Variants in TMTC4 observed in about 807,000 individuals in gnomAD.
TMTC4 encodes protein O-mannosyl-transferase TMTC4.
Under a neutral mutation model 86.0 loss-of-function variants are expected in TMTC4, and 65 were observed. That is an observed-to-expected ratio of 0.76 (90% CI 0.62 to 0.93). The LOEUF is 0.93. Ranked by LOEUF, TMTC4 falls within the 40% of genes least tolerant of loss-of-function variation. The pLI is 0.00. For missense variants in TMTC4, 866 were observed against 948.1 expected (o/e 0.91, Z 1.14); for synonymous variants, 379 against 382.5 (o/e 0.99, Z 0.11).
In TMTC4 at chr13:100,603,745, T is replaced by A. The variant is rs962945222; in HGVS notation, c.*1249A>T. Among the ~76,000 whole-genome samples, 10 of 152,180 alleles carry A rather than the reference T, an allele frequency of 6.6e-5. No homozygotes were observed. The highest frequency in any genetic ancestry group is 2.4e-4 in the African/African-American group (10 of 41,436). ...GTCCAGAGAATCACATTCCTCTCAG[T>A]GTGGATCTACTCGCTCTGTTCTCTG... is the stretch of plus-strand genomic sequence containing the variant. On this transcript the variant is annotated 3_prime_UTR_variant, in exon 19 of 19. Transcript: ENST00000342624.
Position 100,606,404 on chromosome 13 carries a change from C to T in TMTC4, c.2088G>A (p.Lys696=). Residue 696 remains lysine, a synonymous_variant, in exon 18 of 19, where the codon AAG becomes AAA. Coordinates refer to ENST00000342624, the MANE Select transcript of TMTC4 (RefSeq NM_032813.5). ...CAGCATTTGGATTTGCTTTAATTGC[C>T]TTGAGGAATAAAGCTTCAGATTCCT... ...KYKESEALFL[K]AIKANPNAAS... 6.2e-7 allele frequency: 1 copy of T among 1,613,290 alleles called. No homozygotes were observed. Among genetic ancestry groups the T allele is most frequent in the Non-Finnish European group, 8.5e-7 (1 of 1,179,758 alleles).
intron 7 of TMTC4, among the ~76,000 whole-genome samples, chr13:100,641,029 C>T (rs545836950): frequency 6.6e-5 from 10 of 152,018 alleles, no homozygotes; most frequent in East Asian, 1.9e-4. Context: ...GATGTCTTTC[C>T]GCTTCAGAGA....
chr13:100,624,381 C>T (rs1471905688), intron 15 of TMTC4: 1 of 151,448 alleles, frequency 6.6e-6, no homozygotes, highest in Non-Finnish European at 1.5e-5. Flanking sequence ...AAGAAAGAGA[C>T]ACCACCTCCA....
chr13:100,614,283 T>G, intron 16 of TMTC4, 33 bp downstream of exon 16: 1 of 1,527,452 alleles, frequency 6.5e-7, no homozygotes, highest in Admixed American at 1.7e-5. Context: ...GTGGAGCCAT[T>G]TCCTGTGATT....
In TMTC4 at chr13:100,635,150, G is replaced by A. The variant is rs2297943; in HGVS notation, c.1248C>T (p.Pro416=). The A allele has an allele frequency of 0.33, 527,450 of 1,612,176 alleles. 89,803 individuals carry two copies. The highest frequency in any genetic ancestry group is 0.4 in the Admixed American group (23,846 of 59,586). ...CCACTCGGAAGAACAGGTTACTCGCGGGGAGAAATGGGATAACGAGAAATC... is the reference window on the plus strand; with the variant it reads ...CCACTCGGAAGAACAGGTTACTCGCAGGGAGAAATGGGATAACGAGAAATC... ...GLGFLVIPFL[P]ASNLFFRVGF... Residue 416 remains proline (P), a synonymous_variant, in exon 11 of 19, where the codon CCC becomes CCT. Transcript: ENST00000342624.
intron 15 of TMTC4, among the ~76,000 whole-genome samples, chr13:100,620,977 A>T (rs1020526421): frequency 6.6e-6 from 1 of 152,252 alleles, no homozygotes; most frequent in Non-Finnish European, 1.5e-5. Context: ...TAATTAAACC[A>T]CAAGGGAAAG....
Position 100,637,653 on chromosome 13 carries a change from A to G in TMTC4, c.884T>C (p.Leu295Pro). 1 of 1,614,164 alleles carries G rather than the reference A, an allele frequency of 6.2e-7. No homozygotes were observed. Among genetic ancestry groups the G allele is most frequent in the Non-Finnish European group, 8.5e-7 (1 of 1,180,014 alleles). ...NGGLLFRMTL[L>P]TSGGAGMLYV... ...GAGCATCCCAGCCCCTCCAGAGGTG[A>G]GCAGGGTCATTCTGAAGAGGAGGCC... Residue 295 changes from leucine (L) to proline (P), a missense_variant, in exon 9 of 19, where the codon CTC (leucine) becomes CCC (proline). Coordinates refer to ENST00000342624, the MANE Select transcript of TMTC4 (RefSeq NM_032813.5).
chr13:100,638,789 T>A (rs1319094440), intron 7 of TMTC4: 1 of 152,238 alleles, frequency 6.6e-6, no homozygotes, highest in East Asian at 1.9e-4. Context: ...CACACATTGA[T>A]GAGAGCAGGC....
At chr13:100,654,606 C>T (rs1378179690) in intron 6 of TMTC4, among the ~76,000 whole-genome samples, 1 of 151,746 alleles carries the variant, frequency 6.6e-6, no homozygotes, top group Admixed American at 6.6e-5. Context: ...TATTAATATA[C>T]AAATTTGTGA....
chr13:100,656,541 A>AATTTTTTTTTTTTT, intron 5 of TMTC4, 73 bp from the exon 6 acceptor site: 7 of 462,926 alleles, frequency 1.5e-5, no homozygotes, highest in Non-Finnish European at 2.3e-5. Flanking sequence ...AGGAGACATA[A>AATTTTTTTTTTTTT]CTTTTTTTTT....
chr13:100,651,585 A>G (rs1884454035), intron 6 of TMTC4, among the ~76,000 whole-genome samples: 1 of 150,294 alleles, frequency 6.7e-6, no homozygotes, highest in African/African-American at 2.4e-5. Context: ...AGGATTCCAG[A>G]GGTTAGGACA....
chr13:100,609,862 T>C (rs938370318), intron 17 of TMTC4, among the ~76,000 whole-genome samples: 6 of 151,958 alleles, frequency 3.9e-5, no homozygotes, highest in Non-Finnish European at 8.8e-5. Context: ...TGCTGTTAGG[T>C]TTTAAGAAGG....
At chr13:100,660,328 A>G (rs1218551495) in intron 5 of TMTC4, among the ~76,000 whole-genome samples, 1 of 65,086 alleles carries the variant, frequency 1.5e-5, no homozygotes, top group African/African-American at 4.1e-5. Flanking sequence ...GAGACTGTGT[A>G]TCAAAAAAAA....
In TMTC4 at chr13:100,619,167, G is replaced by C. The variant is rs1879071464; in HGVS notation, c.1837-4737C>G. Among the ~76,000 whole-genome samples, 2 of 147,904 alleles carry C rather than the reference G, an allele frequency of 1.4e-5. 1 individual carries two copies. Among genetic ancestry groups the C allele is most frequent in the Admixed American group, 1.3e-4 (2 of 14,906 alleles). ...GGACGGGGCGACTGGCCGGGCGGGG[G>C]GCTGACCCCCCCACCTCCCTCCTGG... On this transcript the variant is annotated intron_variant, in intron 15 of 18. Transcript: ENST00000342624.
intron 1 of TMTC4, chr13:100,674,467 G>A (rs2139097343): frequency 1.1e-6 from 1 of 914,066 alleles, no homozygotes; most frequent in Non-Finnish European, 1.3e-6. Context: ...CCCGGGCGGA[G>A]AAGCTCAGGG....
intron 15 of TMTC4, among the ~76,000 whole-genome samples, chr13:100,621,580 C>T (rs1267490509): frequency 6.6e-6 from 1 of 152,154 alleles, no homozygotes; most frequent in Non-Finnish European, 1.5e-5. Flanking sequence ...CGCCTGCCAC[C>T]ACGCCTGGCT....
chr13:100,643,273 G>A (rs987964398), intron 6 of TMTC4, among the ~76,000 whole-genome samples: 6 of 152,146 alleles, frequency 3.9e-5, no homozygotes, highest in Non-Finnish European at 7.3e-5. Flanking sequence ...TTGTTAGCTC[G>A]CCTGGCATTA....
chr13:100,625,615 C>T lies in TMTC4; in HGVS notation c.1756G>A (p.Glu586Lys), dbSNP rs1168225419. 1 of 1,614,220 alleles carries T rather than the reference C, an allele frequency of 6.2e-7. No homozygotes were observed. Among genetic ancestry groups the T allele is most frequent in the Admixed American group, 1.7e-5 (1 of 60,028 alleles). Reference sequence around the variant, plus strand: ...GTCCGGTAACTTTGCTCTGCTGCTTCAAACCGTTTCAGGCTATTCTGCACT... The same window carrying T: ...GTCCGGTAACTTTGCTCTGCTGCTTTAAACCGTTTCAGGCTATTCTGCACT... ...GIVQNSLKRFEAAEQSYRTAI... is the reference protein window; with the variant it reads ...GIVQNSLKRFKAAEQSYRTAI... The change falls in exon 15 of 19, where the codon GAA becomes AAA. Residue 586 changes from glutamate (E) to lysine (K), a missense_variant. Glu to Lys is a moderately conservative substitution (Grantham distance 56, BLOSUM62 1). Transcript: ENST00000342624.
chr13:100,650,862 T>C (rs748977567), intron 6 of TMTC4, among the ~76,000 whole-genome samples: 47 of 152,196 alleles, frequency 3.1e-4, no homozygotes, highest in Non-Finnish European at 7.3e-5. Flanking sequence ...TGATTCTAAG[T>C]CAAAGAAAAA....
Sources: allele counts gnomAD v4.1 joint callset (sites outside exome capture counted in the v4.1 genomes callset), GRCh38; gene constraint gnomAD v4.1.1; transcripts MANE v1.5; gene names NCBI Gene and HGNC (gene_info 2026-07-23, HGNC 2026-07-21).